The following COLGALT2 variants were observed in gnomAD, a reference collection of about 807,000 sequenced individuals.
COLGALT2 encodes the protein collagen beta(1-O)galactosyltransferase 2, also known as procollagen galactosyltransferase 2.
A neutral mutation model predicts 73.4 loss-of-function variants in COLGALT2; 49 were observed. The observed-to-expected ratio is 0.67, with a 90% CI of 0.53 to 0.85. COLGALT2 has a LOEUF of 0.85. Ranked by LOEUF, COLGALT2 falls within the 40% of genes least tolerant of loss-of-function variation. The pLI is 0.00. For missense variants in COLGALT2, 722 were observed against 790.2 expected (o/e 0.91, Z 1.03); for synonymous variants, 295 against 307.6 (o/e 0.96, Z 0.43).
At chr1:184,035,333 A>C (rs1649640498) in intron 1 of COLGALT2, among the ~76,000 whole-genome samples, 2 of 152,208 alleles carry the variant, frequency 1.3e-5, no homozygotes, top group African/African-American at 4.8e-5. Context: ...CCAGCCCCAA[A>C]TCACATATCA....
chr1:184,007,738 G>T (rs1489066481), intron 1 of COLGALT2, among the ~76,000 whole-genome samples: 2 of 151,940 alleles, frequency 1.3e-5, no homozygotes, highest in African/African-American at 4.8e-5. Flanking sequence ...GTTCACAGTG[G>T]CCATGGCCCC....
chr1:184,010,314 G>T (rs1200150179), intron 1 of COLGALT2, among the ~76,000 whole-genome samples: 1 of 152,198 alleles, frequency 6.6e-6, no homozygotes, highest in African/African-American at 2.4e-5. Flanking sequence ...TTTAAAAAGA[G>T]CAGGTTCAAT....
At chr1:183,956,711 C>T (rs900173696) in intron 6 of COLGALT2, among the ~76,000 whole-genome samples, 1 of 152,058 alleles carries the variant, frequency 6.6e-6, no homozygotes, top group Non-Finnish European at 1.5e-5. Context: ...CAAACATAGG[C>T]AGTCATTGCA....
chr1:183,948,958 G>A (rs1035667564), intron 8 of COLGALT2, among the ~76,000 whole-genome samples: 2 of 152,008 alleles, frequency 1.3e-5, no homozygotes, highest in Non-Finnish European at 1.5e-5. Flanking sequence ...TCTGAAAATA[G>A]AACTAAGGAA....
chr1:183,980,591 C>T (rs891525410), intron 1 of COLGALT2, among the ~76,000 whole-genome samples: 2 of 152,054 alleles, frequency 1.3e-5, no homozygotes, highest in African/African-American at 4.8e-5. Context: ...CCCAACTAGG[C>T]TCATGTGTTT....
Position 183,936,209 on chromosome 1 carries a change from A to C in COLGALT2, c.*2552T>G. ...CTGACGCCCTCACATGACACTGCAA[A>C]GGTCAAATGTCAAAGGTCAAATGTC... On this transcript the variant is annotated 3_prime_UTR_variant, in exon 12 of 12. Coordinates refer to ENST00000361927, the MANE Select transcript of COLGALT2 (RefSeq NM_015101.4). The C allele has an allele frequency of 1.0e-6, 1 of 985,528 alleles. No homozygotes were observed. Among genetic ancestry groups the C allele is most frequent in the Non-Finnish European group, 1.2e-6 (1 of 829,922 alleles). 61.0% of individuals were successfully genotyped at this position (985,528 alleles called of 1,614,324 possible).
chr1:183,987,126 C>T (rs1671510063), intron 1 of COLGALT2, among the ~76,000 whole-genome samples: 1 of 152,206 alleles, frequency 6.6e-6, no homozygotes, highest in African/African-American at 2.4e-5. Flanking sequence ...GCATAATTTT[C>T]CTTGGAGTCA....
chr1:183,983,502 G>A (rs1671408438), intron 1 of COLGALT2, among the ~76,000 whole-genome samples: 1 of 152,354 alleles, frequency 6.6e-6, no homozygotes, highest in African/African-American at 2.4e-5. Context: ...CAGAGGGTTG[G>A]ACAGAGAGAG....
At chr1:184,022,980 G>A (rs752192267) in intron 1 of COLGALT2, among the ~76,000 whole-genome samples, 7 of 152,168 alleles carry the variant, frequency 4.6e-5, no homozygotes, top group Non-Finnish European at 7.3e-5. Flanking sequence ...AGCCAAGACT[G>A]GAGAGGGATG....
chr1:183,978,893 G>T (rs542392349), intron 1 of COLGALT2, among the ~76,000 whole-genome samples: 1 of 152,182 alleles, frequency 6.6e-6, no homozygotes, highest in Non-Finnish European at 1.5e-5. Context: ...TACCCAGGAT[G>T]TAAACTCCAC....
chr1:184,027,888 A>G (rs989293714), intron 1 of COLGALT2, among the ~76,000 whole-genome samples: 27 of 152,212 alleles, frequency 1.8e-4, no homozygotes, highest in African/African-American at 6.5e-4. Context: ...TTACATGCCA[A>G]TTCCACAAAA....
chr1:183,964,254 T>G lies in COLGALT2; in HGVS notation c.833-234A>C, dbSNP rs116065617. Reference sequence around the variant, plus strand: ...ATTCTTCAGCCCAGAGGAAATTGATTTTTTCCCTCTGAAGAAAAAGCAAAC... The same window carrying G: ...ATTCTTCAGCCCAGAGGAAATTGATGTTTTCCCTCTGAAGAAAAAGCAAAC... On this transcript the variant is annotated intron_variant, in intron 5 of 11. Coordinates refer to ENST00000361927, the MANE Select transcript of COLGALT2 (RefSeq NM_015101.4). 5.6e-3 allele frequency: 2,449 copies of G among 434,754 alleles called. 56 individuals carry two copies. The highest frequency in any genetic ancestry group is 0.043 in the African/African-American group (2,103 of 49,298). The allele number at this position is 434,754 out of a possible 1,614,324, so 26.9% of individuals were successfully genotyped here. A position where few individuals can be genotyped will look rare whatever the true frequency, so the allele number is the denominator to read the frequency against.
Position 183,945,487 on chromosome 1 carries a change from G to T in COLGALT2, c.1214C>A (p.Pro405His), listed in dbSNP as rs1455179691. The change falls in exon 9 of 12, where the codon CCT becomes CAT. Residue 405 changes from proline (P) to histidine (H), a missense_variant. Coordinates refer to ENST00000361927, the MANE Select transcript of COLGALT2 (RefSeq NM_015101.4). ...GCAGCCGATTTCACCCCTTGTTAGA[G>T]GCCTGGAGGAATAGGGATCTCGATA... ...PGYRDPYSSR[P>H]LTRGEIGCFL... 1 of 1,614,188 alleles carries T rather than the reference G, an allele frequency of 6.2e-7. No individual in the cohort carries two copies. The highest frequency in any genetic ancestry group is 1.1e-5 in the South Asian group (1 of 91,086).
intron 6 of COLGALT2, among the ~76,000 whole-genome samples, chr1:183,963,541 T>G (rs1476493718): frequency 6.6e-6 from 1 of 152,190 alleles, no homozygotes; most frequent in African/African-American, 2.4e-5. Flanking sequence ...TTTTCATTAT[T>G]TCCATTTTAC....
chr1:184,022,719 C>A (rs773240500), intron 1 of COLGALT2, among the ~76,000 whole-genome samples: 5 of 152,188 alleles, frequency 3.3e-5, no homozygotes, highest in Non-Finnish European at 7.4e-5. Flanking sequence ...TACTCTATTA[C>A]AAAGAAGAGA....
intron 1 of COLGALT2, among the ~76,000 whole-genome samples, chr1:184,019,021 C>T (rs753898678): frequency 2.8e-4 from 42 of 152,140 alleles, no homozygotes; most frequent in Non-Finnish European, 4.6e-4. Context: ...TGAATTTGAA[C>T]GGCTGAGGAC....
In COLGALT2 at chr1:183,936,951, G is replaced by T. The variant is rs985018866; in HGVS notation, c.*1810C>A. ...AAGTGGGGACCCGCCCCTCACCTGG[G>T]GAGATGAGGCTGCCTTGACTACCTA... On this transcript the variant is annotated 3_prime_UTR_variant, in exon 12 of 12. Coordinates refer to ENST00000361927, the MANE Select transcript of COLGALT2 (RefSeq NM_015101.4). 1.0e-4 allele frequency: 123 copies of T among 1,231,758 alleles called. No individual in the cohort carries two copies. The East Asian group carries it at 2.6e-3, about 27-fold the overall frequency. 76.3% of individuals were successfully genotyped at this position (1,231,758 alleles called of 1,614,324 possible).
rs528913696 is a variant in COLGALT2 at position 183,952,126 on chromosome 1, ACCATAGAAGTAT to A, written c.1030-1025_1030-1014del. ...TCCTCACTATTCCCAGACTTAATGA[ACCATAGAAGTAT>A]CTAAAGCTTTGTGAATGCCTTTACA... On this transcript the variant is annotated intron_variant, in intron 7 of 11. Coordinates refer to ENST00000361927, the MANE Select transcript of COLGALT2 (RefSeq NM_015101.4). 1.0e-3 allele frequency among the ~76,000 whole-genome samples: 154 copies of A among 152,346 alleles called. 1 individual carries two copies. The South Asian group carries it at 0.013, about 13-fold the overall frequency.
At chr1:183,984,806 G>A (rs545285544) in intron 1 of COLGALT2, among the ~76,000 whole-genome samples, 1 of 152,292 alleles carries the variant, frequency 6.6e-6, no homozygotes, top group South Asian at 2.1e-4. Context: ...AAGCCCATGA[G>A]TCTCAGATTC....
Sources: allele counts gnomAD v4.1 joint callset (sites outside exome capture counted in the v4.1 genomes callset), GRCh38; gene constraint gnomAD v4.1.1; transcripts MANE v1.5; gene names NCBI Gene and HGNC (gene_info 2026-07-23, HGNC 2026-07-21).